C9: variants seen among roughly 807,000 people sequenced by gnomAD.
C9 encodes complement component C9.
C9 carries 63 observed loss-of-function variants against 65.4 expected under a neutral mutation model. That is an observed-to-expected ratio of 0.96 (90% CI 0.79 to 1.19). The LOEUF (loss-of-function observed/expected upper bound fraction) is 1.19. Among genes scored for constraint, C9 ranks in the 50% most tolerant of loss-of-function variants. The pLI is 0.00. For missense variants in C9, 744 were observed against 670.1 expected, an observed-to-expected ratio of 1.11 and a Z score of -1.22; for synonymous variants, 229 against 227.9, an observed-to-expected ratio of 1.00 and a Z score of -0.04.
At chr5:39,323,148 T>C (rs263292) in intron 5 of C9, among the ~76,000 whole-genome samples, 42,597 of 151,764 alleles carry the variant, frequency 0.28, 6,970 homozygotes, top group Non-Finnish European at 0.38. Context: ...CCAATAATGA[T>C]TAAAAAGATT....
intron 9 of C9, among the ~76,000 whole-genome samples, chr5:39,289,184 G>C (rs929498596): frequency 1.6e-4 from 24 of 151,392 alleles, no homozygotes; most frequent in African/African-American, 5.3e-4. Flanking sequence ...AAATAATGAT[G>C]CATAAATTTC....
In C9 at chr5:39,364,467, T is replaced by C. The variant is rs866581083; in HGVS notation, c.-3A>G. On this transcript the variant is annotated 5_prime_UTR_variant, in exon 1 of 11. Transcript: ENST00000263408. ...GCAAAGCTCCGGCAGGCTGACATGC[T>C]GCTCTTGCTGGGTGGCTGCGAGTGG... 6 of 1,599,490 alleles carry C rather than the reference T, an allele frequency of 3.8e-6. No homozygotes were observed. In the Middle Eastern group the frequency reaches 9.9e-4, roughly 265 times the overall value.
intron 1 of C9, among the ~76,000 whole-genome samples, chr5:39,353,185 T>C (rs913199365): frequency 6.6e-6 from 1 of 152,222 alleles, no homozygotes. Context: ...AGCAAGGACA[T>C]GATTTTTCTT....
chr5:39,288,155 T>C (rs1291398165), intron 10 of C9, among the ~76,000 whole-genome samples: 2 of 151,896 alleles, frequency 1.3e-5, no homozygotes, highest in African/African-American at 2.4e-5. Flanking sequence ...CATTGGTACA[T>C]ACATATTTAG....
At chr5:39,298,451 T>C (rs1442662818) in intron 9 of C9, among the ~76,000 whole-genome samples, 1 of 151,552 alleles carries the variant, frequency 6.6e-6, no homozygotes, top group African/African-American at 2.4e-5. Flanking sequence ...AACTTTAAAT[T>C]AACAATACCA....
intron 1 of C9, among the ~76,000 whole-genome samples, chr5:39,348,836 C>A (rs1277619804): frequency 6.6e-6 from 1 of 152,124 alleles, no homozygotes; most frequent in Non-Finnish European, 1.5e-5. Flanking sequence ...GAATACTATG[C>A]AGCCATAAAA....
intron 1 of C9, among the ~76,000 whole-genome samples, chr5:39,355,300 A>G (rs900013779): frequency 1.3e-5 from 2 of 152,210 alleles, no homozygotes; most frequent in African/African-American, 4.8e-5. Context: ...AACCAGGGCT[A>G]TTCATCTTTC....
At chr5:39,291,584 G>A (rs73078501) in intron 9 of C9, among the ~76,000 whole-genome samples, 5,100 of 151,342 alleles carry the variant, frequency 0.034, 309 homozygotes, top group African/African-American at 0.12. Flanking sequence ...TAAAAACTAC[G>A]GTGAAAAATA....
At chr5:39,361,296 C>T (rs6877538) in intron 1 of C9, among the ~76,000 whole-genome samples, 2,283 of 152,028 alleles carry the variant, frequency 0.015, 47 homozygotes, top group African/African-American at 0.052. Flanking sequence ...GAGGTGGGAG[C>T]GAAGAAGTGT....
At chr5:39,293,298 T>A (rs1753128874) in intron 9 of C9, among the ~76,000 whole-genome samples, 1 of 151,918 alleles carries the variant, frequency 6.6e-6, no homozygotes, top group Non-Finnish European at 1.5e-5. Context: ...AATAGCCAAC[T>A]ATATGTTCCC....
intron 10 of C9, among the ~76,000 whole-genome samples, chr5:39,286,209 A>C (rs1752988859): frequency 6.6e-6 from 1 of 152,122 alleles, no homozygotes; most frequent in South Asian, 2.1e-4. Flanking sequence ...ACCTCCTAAG[A>C]AACAAACTAA....
In C9 at chr5:39,342,101, A is replaced by T; in HGVS notation, c.173T>A (p.Leu58His). ...GAGATGAACACTTACCATTTGTCTG[A>T]GACAAGGATCGCATTGTGACCATTC... is the stretch of plus-strand genomic sequence containing the variant. ...WSEWSQCDPC[L>H]RQMFRSRSIE... The change falls in exon 2 of 11, where the codon CTC becomes CAC. Residue 58 changes from leucine to histidine, a missense_variant. Coordinates refer to ENST00000263408, the MANE Select transcript of C9 (RefSeq NM_001737.5). 1 of 1,572,548 alleles carries T rather than the reference A, an allele frequency of 6.4e-7. No individual in the cohort carries two copies. The highest frequency in any genetic ancestry group is 8.8e-7 in the Non-Finnish European group (1 of 1,142,036).
chr5:39,338,594 T>G (rs1375038180), intron 4 of C9, among the ~76,000 whole-genome samples: 2 of 152,246 alleles, frequency 1.3e-5, no homozygotes, highest in Non-Finnish European at 2.9e-5. Flanking sequence ...AGACTAAATT[T>G]AACATAGGTT....
chr5:39,343,592 C>G (rs1416069996), intron 1 of C9, among the ~76,000 whole-genome samples: 1 of 152,224 alleles, frequency 6.6e-6, no homozygotes, highest in Non-Finnish European at 1.5e-5. Context: ...GAGTCCACCT[C>G]TGGGGGTAGG....
At chr5:39,341,415 T>C in intron 3 of C9, 122 bp from the exon 4 acceptor site, 2 of 1,433,738 alleles carry the variant, frequency 1.4e-6, no homozygotes, top group East Asian at 2.3e-5. Flanking sequence ...TTGAGTTCTT[T>C]GTACAGAATA....
At chr5:39,286,799 C>A (rs1027058110) in intron 10 of C9, among the ~76,000 whole-genome samples, 1 of 151,890 alleles carries the variant, frequency 6.6e-6, no homozygotes, top group Non-Finnish European at 1.5e-5. Flanking sequence ...ATAAATCAAT[C>A]ATTCTAAAAT....
chr5:39,311,371 T>G lies in C9; in HGVS notation c.877A>C (p.Met293Leu). 6.2e-7 allele frequency: 1 copy of G among 1,610,876 alleles called. No homozygotes were observed. The highest frequency in any genetic ancestry group is 8.5e-7 in the Non-Finnish European group (1 of 1,178,054). Residue 293 changes from methionine (M) to leucine (L), a missense_variant, in exon 7 of 11, where the codon ATG becomes CTG. Coordinates refer to ENST00000263408, the MANE Select transcript of C9 (RefSeq NM_001737.5). ...ATTTCTCCTTTCACATGCAGAAACA[T>G]TTTTTCCTGTGTTGTAGAGCAGATG... ...FLSYSSKKEK[M>L]FLHVKGEIHL...
chr5:39,309,988 T>C (rs1219555824), intron 7 of C9, among the ~76,000 whole-genome samples: 1 of 152,106 alleles, frequency 6.6e-6, no homozygotes, highest in Admixed American at 6.6e-5. Context: ...TCTCCATCAA[T>C]ATAGCTTCCA....
At chr5:39,344,244 G>A (rs909296946) in intron 1 of C9, among the ~76,000 whole-genome samples, 1 of 152,134 alleles carries the variant, frequency 6.6e-6, no homozygotes, top group Non-Finnish European at 1.5e-5. Flanking sequence ...GAGGAAGTTC[G>A]AACCCAATGC....
Sources: allele counts gnomAD v4.1 joint callset (sites outside exome capture counted in the v4.1 genomes callset), GRCh38; gene constraint gnomAD v4.1.1; transcripts MANE v1.5; gene names NCBI Gene and HGNC (gene_info 2026-07-23, HGNC 2026-07-21).